The following CCSER1 variants were observed in gnomAD, a reference collection of about 807,000 sequenced individuals.
CCSER1 encodes coiled-coil serine rich protein 1.
CCSER1 carries 41 observed loss-of-function variants against 82.0 expected under a neutral mutation model. The observed-to-expected ratio is 0.50, with a 90% CI of 0.39 to 0.65. The LOEUF is 0.65. Ranked by LOEUF, CCSER1 falls within the 30% of genes least tolerant of loss-of-function variation. The pLI, the probability that CCSER1 is intolerant of heterozygous loss-of-function variation, is 0.00. For synonymous variants in CCSER1, 414 were observed against 383.9 expected (o/e 1.08, Z -0.92); for missense variants, 1,119 against 1,064.2 (o/e 1.05, Z -0.72).
At chr4:90,999,343 C>T (rs1290480600) in intron 9 of CCSER1, among the ~76,000 whole-genome samples, 1 of 152,128 alleles carries the variant, frequency 6.6e-6, no homozygotes, top group East Asian at 1.9e-4. Flanking sequence ...TTTACATTCC[C>T]ACCAACAGTG....
intron 10 of CCSER1, among the ~76,000 whole-genome samples, chr4:91,103,658 C>T (rs898172115): frequency 9.9e-5 from 15 of 152,210 alleles, no homozygotes; most frequent in African/African-American, 3.1e-4. Context: ...TGTCTTTAAT[C>T]TCTTAATCCT....
intron 10 of CCSER1, among the ~76,000 whole-genome samples, chr4:91,529,918 T>G (rs1401450444): frequency 6.6e-6 from 1 of 152,252 alleles, no homozygotes; most frequent in African/African-American, 2.4e-5. Context: ...GAATGTATAT[T>G]ACATATTTTC....
chr4:90,780,384 G>A, intron 7 of CCSER1: 2 of 1,552,546 alleles, frequency 1.3e-6, no homozygotes, highest in Non-Finnish European at 1.8e-6. Flanking sequence ...AATAATTCAA[G>A]CAAAATGCTG....
At chr4:91,389,825 A>G (rs1751538401) in intron 10 of CCSER1, among the ~76,000 whole-genome samples, 1 of 151,812 alleles carries the variant, frequency 6.6e-6, no homozygotes, top group African/African-American at 2.4e-5. Context: ...TAAGTATTTT[A>G]TTTTTGGGGT....
intron 4 of CCSER1, among the ~76,000 whole-genome samples, chr4:90,458,724 C>A (rs974777944): frequency 1.3e-5 from 2 of 152,158 alleles, no homozygotes; most frequent in African/African-American, 4.8e-5. Flanking sequence ...AAGTCATAAA[C>A]CTTCTATGTG....
intron 10 of CCSER1, among the ~76,000 whole-genome samples, chr4:91,373,872 T>C (rs1013695952): frequency 6.6e-6 from 1 of 152,198 alleles, no homozygotes; most frequent in Non-Finnish European, 1.5e-5. Context: ...AGAGCACATA[T>C]GAATGATAAG....
chr4:90,706,428 A>T (rs1246492659), intron 6 of CCSER1, among the ~76,000 whole-genome samples: 2 of 152,188 alleles, frequency 1.3e-5, no homozygotes, highest in East Asian at 3.9e-4. Context: ...CCTAGGTGAC[A>T]GTGAGACCCT....
chr4:90,992,637 C>T (rs939030698), intron 9 of CCSER1, among the ~76,000 whole-genome samples: 1 of 151,932 alleles, frequency 6.6e-6, no homozygotes, highest in African/African-American at 2.4e-5. Context: ...TTATTATAAG[C>T]TCATTCATGT....
intron 5 of CCSER1, among the ~76,000 whole-genome samples, chr4:90,521,347 G>C (rs530020128): frequency 3.3e-5 from 5 of 152,102 alleles, no homozygotes; most frequent in Non-Finnish European, 7.4e-5. Context: ...TTTGTTTGTC[G>C]GAAAGGGTAG....
At chr4:91,507,274 C>A (rs763104560) in intron 10 of CCSER1, among the ~76,000 whole-genome samples, 3 of 152,142 alleles carry the variant, frequency 2.0e-5, no homozygotes, top group Non-Finnish European at 4.4e-5. Flanking sequence ...AATTTCTCCA[C>A]ATCATATCCA....
intron 4 of CCSER1, among the ~76,000 whole-genome samples, chr4:90,408,223 CAA>C (rs1754063337): frequency 1.3e-5 from 2 of 152,160 alleles, no homozygotes; most frequent in South Asian, 4.1e-4. Context: ...CACAGACAAA[CAA>C]AAGACAGCAA....
chr4:90,853,355 A>G (rs867315756), intron 8 of CCSER1, among the ~76,000 whole-genome samples: 1 of 152,112 alleles, frequency 6.6e-6, no homozygotes, highest in South Asian at 2.1e-4. Flanking sequence ...AAAAAGAGGA[A>G]CTCAATGAAC....
intron 1 of CCSER1, among the ~76,000 whole-genome samples, chr4:90,218,669 G>A (rs185803878): frequency 1.3e-5 from 2 of 152,126 alleles, no homozygotes; most frequent in Non-Finnish European, 2.9e-5. Flanking sequence ...CTGGAAGTGG[G>A]GTTGGAACTA....
intron 1 of CCSER1, among the ~76,000 whole-genome samples, chr4:90,199,668 A>C (rs1012686762): frequency 6.6e-6 from 1 of 152,188 alleles, no homozygotes; most frequent in Non-Finnish European, 1.5e-5. Flanking sequence ...TCAGTGCTTA[A>C]TTAATCTGGT....
At chr4:91,286,623 A>T (rs1169605478) in intron 10 of CCSER1, among the ~76,000 whole-genome samples, 1 of 151,838 alleles carries the variant, frequency 6.6e-6, no homozygotes, top group Non-Finnish European at 1.5e-5. Flanking sequence ...CAAAGATGTG[A>T]CCCATAGATT....
intron 8 of CCSER1, among the ~76,000 whole-genome samples, chr4:90,845,353 G>A (rs1386077805): frequency 1.6e-5 from 2 of 123,612 alleles, no homozygotes; most frequent in African/African-American, 6.5e-5. Flanking sequence ...AGAGTGAGAC[G>A]CCATCTAAAA....
chr4:90,901,867 A>G (rs1237983744), intron 8 of CCSER1, among the ~76,000 whole-genome samples: 1 of 151,990 alleles, frequency 6.6e-6, no homozygotes, highest in Non-Finnish European at 1.5e-5. Context: ...ATTTTCCTAA[A>G]TTATTTCTTC....
chr4:91,082,827 T>C (rs1407439237), intron 9 of CCSER1, among the ~76,000 whole-genome samples: 1 of 152,096 alleles, frequency 6.6e-6, no homozygotes, highest in African/African-American at 2.4e-5. Flanking sequence ...TCATCACTGG[T>C]CATCAGAGAA....
At chr4:90,577,641 C>T (rs1780914227) in intron 5 of CCSER1, among the ~76,000 whole-genome samples, 1 of 152,010 alleles carries the variant, frequency 6.6e-6, no homozygotes, top group Admixed American at 6.6e-5. Flanking sequence ...GAAGTGATGA[C>T]TTCTAAACTT....
Sources: allele counts gnomAD v4.1 joint callset (sites outside exome capture counted in the v4.1 genomes callset), GRCh38; gene constraint gnomAD v4.1.1; transcripts MANE v1.5; gene names NCBI Gene and HGNC (gene_info 2026-07-23, HGNC 2026-07-21).